Variants in HERC6 observed in about 807,000 individuals in gnomAD.
HERC6 encodes the protein HECT and RLD domain containing E3 ubiquitin protein ligase family member 6.
A neutral mutation model predicts 114.5 loss-of-function variants in HERC6; 101 were observed. The ratio of observed to expected loss-of-function variants is 0.88; its 90% CI spans 0.75 to 1.04. The LOEUF (loss-of-function observed/expected upper bound fraction) is 1.04, where lower values mean the gene tolerates loss of function less well. Ranked by LOEUF, HERC6 falls within the 50% of genes least tolerant of loss-of-function variation. The pLI is 0.00. For missense variants in HERC6, 1,133 were observed against 1,230.9 expected (o/e 0.92, Z 1.19); for synonymous variants, 408 against 436.2 (o/e 0.94, Z 0.81).
intron 3 of HERC6, among the ~76,000 whole-genome samples, chr4:88,388,092 G>A (rs372377446): frequency 6.6e-6 from 1 of 152,178 alleles, no homozygotes. Flanking sequence ...AGATATGTTA[G>A]CATTTCACTG....
Position 88,408,531 on chromosome 4 carries a change from G to A in HERC6, c.1282G>A (p.Gly428Arg). The part of the protein sequence containing the change: ...TASFLKKRGT[G>R]ETTSIDVDLE... ...CATTTCTTGTATCCAAAGAGGAACT[G>A]GAGAAACGACTTCCATTGATGTGGA... Residue 428 changes from glycine (G) to arginine (R), a missense_variant, in exon 11 of 23, where the codon GGA (glycine) becomes AGA (arginine). Gly to Arg is a moderately radical substitution (Grantham distance 125, BLOSUM62 -2). Transcript: ENST00000264346. 2 of 1,593,740 alleles carry A rather than the reference G, an allele frequency of 1.3e-6. No homozygotes were observed. The highest frequency in any genetic ancestry group is 1.7e-6 in the Non-Finnish European group (2 of 1,168,104).
At chr4:88,406,343 C>G (rs1334468515) in intron 10 of HERC6, among the ~76,000 whole-genome samples, 2 of 152,226 alleles carry the variant, frequency 1.3e-5, no homozygotes, top group Non-Finnish European at 2.9e-5. Context: ...TGATACACAT[C>G]TTGTACCCAC....
At chr4:88,398,252 T>C in intron 8 of HERC6, 43 bp downstream of exon 8, 1 of 1,258,610 alleles carries the variant, frequency 7.9e-7, no homozygotes, top group South Asian at 1.5e-5. Flanking sequence ...TTATTTTTTC[T>C]CAAGATTTCA....
Position 88,413,263 on chromosome 4 carries a change from C to T in HERC6, c.1555C>T (p.Leu519=). The T allele has an allele frequency of 1.9e-6, 3 of 1,609,956 alleles. No individual in the cohort carries two copies. Among genetic ancestry groups the T allele is most frequent in the Non-Finnish European group, 2.5e-6 (3 of 1,178,042 alleles). ...CEMSKQSLQV[L]KKCWAFLQES... ...AATGAGTAAACAATCTTTGCAAGTC[C>T]TAAGTAAGTTTTATGTCACTTTATC... Residue 519 remains leucine, a synonymous_variant, in exon 12 of 23, where the codon CTA becomes TTA. Transcript: ENST00000264346.
intron 16 of HERC6, among the ~76,000 whole-genome samples, chr4:88,430,059 T>C (rs573077752): frequency 6.6e-6 from 1 of 152,202 alleles, no homozygotes; most frequent in Admixed American, 6.5e-5. Flanking sequence ...GAAGGGAAAG[T>C]GGGGCAGGCC....
intron 17 of HERC6, among the ~76,000 whole-genome samples, chr4:88,433,906 A>G (rs887149936): frequency 5.3e-5 from 8 of 152,222 alleles, no homozygotes; most frequent in African/African-American, 1.9e-4. Flanking sequence ...TCGAGAACAA[A>G]TGGACCCTCT....
rs745309759 is a variant in HERC6 at position 88,440,268 on chromosome 4, A to G, written c.2842+18A>G. On this transcript the variant is annotated intron_variant, in intron 22 of 22. Transcript: ENST00000264346. ...ATTCCTCTGTAAGTACTGTGGTACTAGATGGACACATAATTATGTATCTTT... is the reference window on the plus strand; with the variant it reads ...ATTCCTCTGTAAGTACTGTGGTACTGGATGGACACATAATTATGTATCTTT... The G allele has an allele frequency of 1.6e-6, 2 of 1,233,040 alleles. No homozygotes were observed. The highest frequency in any genetic ancestry group is 2.3e-6 in the Non-Finnish European group (2 of 851,150). 76.4% of individuals were successfully genotyped at this position (1,233,040 alleles called of 1,614,324 possible). A position where few individuals can be genotyped will look rare whatever the true frequency, so the allele number is the denominator to read the frequency against.
At chr4:88,413,318 A>G in intron 12 of HERC6, 52 bp downstream of exon 12, 1 of 1,384,536 alleles carries the variant, frequency 7.2e-7, no homozygotes, top group South Asian at 1.3e-5. Flanking sequence ...CACTCTCTGA[A>G]GTAGACGTTG....
chr4:88,389,695 G>A (rs1372023913), intron 3 of HERC6, among the ~76,000 whole-genome samples: 2 of 140,818 alleles, frequency 1.4e-5, no homozygotes, highest in Middle Eastern at 3.7e-3. Context: ...CTTTAGTTGG[G>A]ATACTTTAAT....
At chr4:88,435,959 T>A in intron 18 of HERC6, 68 bp downstream of exon 18, 1 of 1,180,560 alleles carries the variant, frequency 8.5e-7, no homozygotes, top group Non-Finnish European at 1.1e-6. Flanking sequence ...ATAAATAATC[T>A]TACACACAGA....
intron 8 of HERC6, among the ~76,000 whole-genome samples, chr4:88,402,532 G>A (rs1402299350): frequency 6.6e-6 from 1 of 152,154 alleles, no homozygotes; most frequent in African/African-American, 2.4e-5. Flanking sequence ...CTGGGGTGGA[G>A]CAGAGGAAAA....
Position 88,423,933 on chromosome 4 carries a change from A to G in HERC6, c.1787A>G (p.Tyr596Cys), listed in dbSNP as rs1434845208. The part of the protein sequence containing the change: ...INELSNLLNF[Y>C]IDRGRQLFRD... ...GAACTCTCCAACTTATTAAACTTTT[A>G]TATAGATAGAGGAAGACAGCTCTTT... The change falls in exon 14 of 23, where the codon TAT becomes TGT. Residue 596 changes from tyrosine (Y) to cysteine (C), a missense_variant. Coordinates refer to ENST00000264346, the MANE Select transcript of HERC6 (RefSeq NM_017912.4). The G allele has an allele frequency of 5.1e-6, 8 of 1,563,726 alleles. No homozygotes were observed. The highest frequency in any genetic ancestry group is 4.1e-5 in the African/African-American group (3 of 72,382).
At chr4:88,393,996 A>T (rs745576278) in intron 5 of HERC6, among the ~76,000 whole-genome samples, 2 of 152,184 alleles carry the variant, frequency 1.3e-5, no homozygotes, top group Non-Finnish European at 2.9e-5. Context: ...ACTTCAACAT[A>T]TGAATTCTGG....
chr4:88,417,345 C>A, intron 12 of HERC6, 80 bp from the exon 13 acceptor site: 1 of 1,257,790 alleles, frequency 8.0e-7, no homozygotes, highest in Non-Finnish European at 1.1e-6. Flanking sequence ...CTATTTCTTA[C>A]ATTAAAGAAC....
intron 8 of HERC6, 38 bp from the exon 9 acceptor site, chr4:88,404,838 T>C: frequency 6.2e-7 from 1 of 1,608,868 alleles, no homozygotes. Flanking sequence ...TGAACGTGTG[T>C]GTGTTCCTGA....
chr4:88,380,791 A>G (rs185337406), intron 1 of HERC6, among the ~76,000 whole-genome samples: 59 of 151,830 alleles, frequency 3.9e-4, no homozygotes, highest in Non-Finnish European at 7.1e-4. Context: ...TATTGTAGAA[A>G]TACGAGAAAG....
intron 17 of HERC6, among the ~76,000 whole-genome samples, chr4:88,435,419 G>C (rs1302240073): frequency 6.6e-6 from 1 of 152,064 alleles, no homozygotes; most frequent in Admixed American, 6.6e-5. Context: ...TGAAGGGAAA[G>C]ACTATAAAAT....
chr4:88,379,201 G>C (rs144112213), intron 1 of HERC6, 81 bp downstream of exon 1: 3 of 1,192,136 alleles, frequency 2.5e-6, no homozygotes, highest in South Asian at 1.6e-5. Context: ...GCAGGGAACC[G>C]GGTGCGGAGC....
intron 14 of HERC6, among the ~76,000 whole-genome samples, 152 bp downstream of exon 14, chr4:88,424,125 TTAAA>T (rs1212742900): frequency 6.6e-6 from 1 of 152,202 alleles, no homozygotes; most frequent in African/African-American, 2.4e-5. Flanking sequence ...CACTGAAAAC[TTAAA>T]TATATTTTAA....
Sources: allele counts gnomAD v4.1 joint callset (sites outside exome capture counted in the v4.1 genomes callset), GRCh38; gene constraint gnomAD v4.1.1; transcripts MANE v1.5; gene names NCBI Gene and HGNC (gene_info 2026-07-23, HGNC 2026-07-21).